The following ANK3 variants were observed in gnomAD, a reference collection of about 807,000 sequenced individuals.
The protein encoded by ANK3 is ankyrin 3, also known as ankyrin-3.
Under a neutral mutation model 370.9 loss-of-function variants are expected in ANK3, and 57 were observed. The ratio of observed to expected loss-of-function variants is 0.15; its 90% CI spans 0.12 to 0.19. ANK3 has a LOEUF of 0.19. Among genes scored for constraint, ANK3 ranks in the 10% least tolerant of loss-of-function variants. ANK3 has a pLI of 1.00. For missense variants in ANK3, 4,439 were observed against 5,302.1 expected, an observed-to-expected ratio of 0.84 and a Z score of 5.06; for synonymous variants, 1,929 against 1,946.3, an observed-to-expected ratio of 0.99 and a Z score of 0.23.
At chr10:60,450,927 C>T (rs745753815) in intron 2 of ANK3, among the ~76,000 whole-genome samples, 21 of 152,170 alleles carry the variant, frequency 1.4e-4, no homozygotes, top group Admixed American at 2.6e-4. Flanking sequence ...TTGGGAACCT[C>T]AGAATGTGAC....
At chr10:60,287,985 G>C (rs1207585705) in intron 1 of ANK3, among the ~76,000 whole-genome samples, 1 of 152,098 alleles carries the variant, frequency 6.6e-6, no homozygotes, top group Non-Finnish European at 1.5e-5. Flanking sequence ...TATGGCATAG[G>C]CTCACAGGCC....
chr10:60,062,965 G>T, intron 40 of ANK3, 146 bp downstream of exon 40: 2 of 729,556 alleles, frequency 2.7e-6, no homozygotes, highest in Non-Finnish European at 4.3e-6. Flanking sequence ...TGATATCAGA[G>T]TGTTTATTTG....
At chr10:60,601,251 C>T (rs2078059175) in intron 2 of ANK3, among the ~76,000 whole-genome samples, 1 of 151,452 alleles carries the variant, frequency 6.6e-6, no homozygotes, top group African/African-American at 2.4e-5. Context: ...CTTTAACTTC[C>T]CACACCTTGA....
At chr10:60,501,705 C>CAAAAAAAAAAA (rs376934079) in intron 2 of ANK3, among the ~76,000 whole-genome samples, 8 of 79,728 alleles carry the variant, frequency 1.0e-4, no homozygotes, top group South Asian at 5.0e-4. Flanking sequence ...GACTCTGTCT[C>CAAAAAAAAAAA]AAAAAAAAAA....
intron 1 of ANK3, among the ~76,000 whole-genome samples, chr10:60,726,456 C>T (rs1179743634): frequency 6.6e-6 from 1 of 152,130 alleles, no homozygotes; most frequent in Non-Finnish European, 1.5e-5. Flanking sequence ...ATTTAATATT[C>T]ATCATGTACC....
intron 2 of ANK3, among the ~76,000 whole-genome samples, chr10:60,558,464 A>G (rs2077259297): frequency 6.6e-6 from 1 of 152,174 alleles, no homozygotes; most frequent in Admixed American, 6.6e-5. Flanking sequence ...CTTGCAGCAC[A>G]CTACCTCTTG....
At chr10:60,710,795 C>G (rs542607287) in intron 1 of ANK3, among the ~76,000 whole-genome samples, 1 of 152,246 alleles carries the variant, frequency 6.6e-6, no homozygotes, top group East Asian at 1.9e-4. Flanking sequence ...GTTCAAAGGC[C>G]AGAGAGCCAC....
intron 1 of ANK3, among the ~76,000 whole-genome samples, chr10:60,662,541 T>C (rs2078947980): frequency 6.6e-6 from 1 of 152,198 alleles, no homozygotes; most frequent in Admixed American, 6.6e-5. Flanking sequence ...TATATATTTC[T>C]AAACACATTC....
At chr10:60,229,334 G>A (rs1452993005) in intron 8 of ANK3, among the ~76,000 whole-genome samples, 1 of 152,118 alleles carries the variant, frequency 6.6e-6, no homozygotes, top group Admixed American at 6.5e-5. Flanking sequence ...TAGAACTCAA[G>A]GAGGAAGTAC....
At chr10:60,412,980 A>G (rs566706874) in intron 2 of ANK3, among the ~76,000 whole-genome samples, 1 of 152,344 alleles carries the variant, frequency 6.6e-6, no homozygotes, top group South Asian at 2.1e-4. Context: ...GAATCGATAA[A>G]AGGTTGGATC....
intron 2 of ANK3, among the ~76,000 whole-genome samples, chr10:60,475,461 G>A (rs1313392984): frequency 1.3e-5 from 2 of 152,080 alleles, no homozygotes; most frequent in East Asian, 3.9e-4. Flanking sequence ...ACATGTTTTA[G>A]TCCTATTTCA....
At chr10:60,501,395 A>T (rs2075791586) in intron 2 of ANK3, among the ~76,000 whole-genome samples, 2 of 152,190 alleles carry the variant, frequency 1.3e-5, no homozygotes, top group South Asian at 4.1e-4. Context: ...TCTTCAAGTA[A>T]TGAACAGCAC....
intron 1 of ANK3, among the ~76,000 whole-genome samples, chr10:60,621,129 G>A (rs1052374673): frequency 1.3e-5 from 2 of 152,098 alleles, no homozygotes; most frequent in African/African-American, 2.4e-5. Context: ...AAAGCAATTC[G>A]GTCAAATATT....
intron 2 of ANK3, among the ~76,000 whole-genome samples, chr10:60,485,316 A>G (rs1178818588): frequency 2.6e-5 from 3 of 117,074 alleles, no homozygotes; most frequent in African/African-American, 5.7e-5. Context: ...TAGGAAGGCT[A>G]CAGTCTCGGC....
intron 2 of ANK3, among the ~76,000 whole-genome samples, chr10:60,612,886 C>T (rs1053933185): frequency 6.6e-6 from 1 of 152,136 alleles, no homozygotes; most frequent in Non-Finnish European, 1.5e-5. Context: ...GTAAAGACAG[C>T]ATTTATACCA....
At chr10:60,483,250 G>A (rs999345369) in intron 2 of ANK3, among the ~76,000 whole-genome samples, 4 of 152,112 alleles carry the variant, frequency 2.6e-5, no homozygotes, top group African/African-American at 9.7e-5. Flanking sequence ...ATCTCTGGAG[G>A]ACAGAAGCAT....
chr10:60,039,458 A>C (rs1387497691), intron 43 of ANK3, among the ~76,000 whole-genome samples: 3 of 152,222 alleles, frequency 2.0e-5, no homozygotes, highest in Non-Finnish European at 4.4e-5. Context: ...GCTTTGTTTA[A>C]GAAAAAAGAA....
At chr10:60,086,423 C>A in intron 30 of ANK3, 1 of 363,248 alleles carries the variant, frequency 2.8e-6, no homozygotes, top group Non-Finnish European at 4.9e-6. Context: ...TAATGCTAAC[C>A]TTAATAGCAG....
chr10:60,218,097 C>CTTTCTTTTTTTTTTTTTTTTTTTTTTTTT (rs1565758079), intron 8 of ANK3, among the ~76,000 whole-genome samples: 1 of 126,156 alleles, frequency 7.9e-6, no homozygotes, highest in Non-Finnish European at 1.6e-5. Context: ...CTTTTTCTTT[C>CTTTCTTTTTTTTTTTTTTTTTTTTTTTTT]TTTTTTTTTT....
Sources: allele counts gnomAD v4.1 joint callset (sites outside exome capture counted in the v4.1 genomes callset), GRCh38; gene constraint gnomAD v4.1.1; transcripts MANE v1.5; gene names NCBI Gene and HGNC (gene_info 2026-07-23, HGNC 2026-07-21).